The following CSMD1 variants were observed in gnomAD, a reference collection of about 807,000 sequenced individuals.
The protein encoded by CSMD1 is CUB and sushi domain-containing protein 1.
CSMD1 carries 213 observed loss-of-function variants against 417.5 expected under a neutral mutation model. That is an observed-to-expected ratio of 0.51 (90% CI 0.46 to 0.57). The LOEUF (loss-of-function observed/expected upper bound fraction) is 0.57. Ranked by LOEUF, CSMD1 falls within the 20% of genes least tolerant of loss-of-function variation. The probability of loss-of-function intolerance (pLI) is 0.00; values close to 1 mark genes in which losing one functional copy is unlikely to be tolerated. For synonymous variants in CSMD1, 2,862 were observed against 1,736.8 expected, an observed-to-expected ratio of 1.65 and a Z score of -16.11; for missense variants, 6,923 against 4,529.7, an observed-to-expected ratio of 1.53 and a Z score of -15.17.
rs1201829948 is a variant in CSMD1, at chr8:4,656,203, G to A, written c.86-18645C>T. On this transcript the variant is annotated intron_variant, in intron 1 of 69. Transcript: ENST00000635120. ...AGAACACTGAGGAAGGACTATTCCA[G>A]GAAGGGAATATGGCTGTGGAAAAGC... 2.0e-5 allele frequency among the ~76,000 whole-genome samples: 3 copies of A among 152,178 alleles called. No individual in the cohort carries two copies. The East Asian group carries it at 5.8e-4, about 29-fold the overall frequency.
At chr8:4,483,378 A>C (rs1485483826) in intron 2 of CSMD1, among the ~76,000 whole-genome samples, 1 of 152,224 alleles carries the variant, frequency 6.6e-6, no homozygotes, top group East Asian at 1.9e-4. Context: ...ATTTTGCTTA[A>C]TGCTGCTACA....
At chr8:3,237,486 G>A (rs1488519274) in intron 26 of CSMD1, among the ~76,000 whole-genome samples, 2 of 147,750 alleles carry the variant, frequency 1.4e-5, no homozygotes, top group Non-Finnish European at 3.0e-5. Flanking sequence ...CCACAACTTT[G>A]CATATAAATA....
Position 4,868,605 on chromosome 8 carries a change from T to A in CSMD1, c.85+125727A>T, listed in dbSNP as rs529536853. On this transcript the variant is annotated intron_variant, in intron 1 of 69. Transcript: ENST00000635120. ...ATTTTCATTCGTCTAAATTGAGGCA[T>A]AATGAACAAGTGTTCAATCATCTAC... 1.1e-4 allele frequency among the ~76,000 whole-genome samples: 16 copies of A among 152,230 alleles called. No individual in the cohort carries two copies. In the East Asian group the frequency reaches 3.1e-3, roughly 29 times the overall value.
intron 3 of CSMD1, among the ~76,000 whole-genome samples, chr8:4,237,793 A>G (rs190624253): frequency 5.9e-5 from 9 of 152,202 alleles, no homozygotes; most frequent in Non-Finnish European, 1.3e-4. Context: ...GATTGTAGAC[A>G]TGGGCCACAG....
At position 3,310,638 on chromosome 8, in the gene CSMD1, C is replaced by G. The variant is rs191979388; in HGVS notation, c.3632-2135G>C. Among the ~76,000 whole-genome samples, 36 of 152,338 alleles carry G rather than the reference C, an allele frequency of 2.4e-4. No homozygotes were observed. In the East Asian group the frequency reaches 4.2e-3, roughly 18 times the overall value. On this transcript the variant is annotated intron_variant, in intron 23 of 69. Transcript: ENST00000635120. ...TGTAAAAAACTTTTGAGTTCAGCAT[C>G]TATCCCTATGATCAGTACCACTGGA...
At chr8:4,402,013 C>T (rs1340116872) in intron 3 of CSMD1, among the ~76,000 whole-genome samples, 2 of 152,060 alleles carry the variant, frequency 1.3e-5, no homozygotes, top group African/African-American at 4.8e-5. Flanking sequence ...CTGCTGCTAC[C>T]ACTGTTATAA....
chr8:4,741,992 C>T (rs1193889106), intron 1 of CSMD1, among the ~76,000 whole-genome samples: 2 of 135,472 alleles, frequency 1.5e-5, no homozygotes, highest in Non-Finnish European at 3.1e-5. Context: ...CACGCACCAC[C>T]ACACCCACTT....
intron 4 of CSMD1, among the ~76,000 whole-genome samples, chr8:4,016,516 G>C (rs770078513): frequency 1.3e-5 from 2 of 152,136 alleles, no homozygotes; most frequent in Non-Finnish European, 2.9e-5. Context: ...CAAGGTTTTA[G>C]TGAAGGATCT....
chr8:3,984,520 G>C (rs570818027), intron 5 of CSMD1, among the ~76,000 whole-genome samples: 1 of 151,478 alleles, frequency 6.6e-6, no homozygotes, highest in East Asian at 1.9e-4. Flanking sequence ...GCAGTAATAA[G>C]TACACTATTT....
intron 3 of CSMD1, among the ~76,000 whole-genome samples, chr8:4,352,292 A>G (rs1182470841): frequency 6.6e-6 from 1 of 152,242 alleles, no homozygotes; most frequent in East Asian, 1.9e-4. Context: ...CTTCCAGGTG[A>G]TTTAGAAAAT....
chr8:3,415,320 T>C (rs145043781), intron 12 of CSMD1, among the ~76,000 whole-genome samples: 1 of 152,306 alleles, frequency 6.6e-6, no homozygotes, highest in East Asian at 1.9e-4. Flanking sequence ...TTAACCATAG[T>C]ACCATGTTGT....
At chr8:3,535,325 T>C (rs553571802) in intron 10 of CSMD1, among the ~76,000 whole-genome samples, 19 of 152,114 alleles carry the variant, frequency 1.2e-4, no homozygotes, top group Non-Finnish European at 1.2e-4. Context: ...TATCTTTCTA[T>C]ATACCATGCT....
chr8:4,735,671 G>T (rs780960996), intron 1 of CSMD1, among the ~76,000 whole-genome samples: 12 of 152,154 alleles, frequency 7.9e-5, no homozygotes, highest in African/African-American at 2.9e-4. Context: ...TCTTCCATGT[G>T]CCAGACACTT....
At chr8:3,651,218 T>C (rs567726635) in intron 7 of CSMD1, among the ~76,000 whole-genome samples, 2 of 152,278 alleles carry the variant, frequency 1.3e-5, no homozygotes, top group African/African-American at 4.8e-5. Context: ...CATGATCCTT[T>C]AAACACCTAA....
intron 1 of CSMD1, among the ~76,000 whole-genome samples, chr8:4,703,110 T>C (rs1200800602): frequency 6.6e-6 from 1 of 152,202 alleles, no homozygotes; most frequent in Non-Finnish European, 1.5e-5. Context: ...TGTGGCATAT[T>C]ATATAATATT....
At chr8:4,625,619 A>C (rs2616984) in intron 2 of CSMD1, among the ~76,000 whole-genome samples, 1 of 151,852 alleles carries the variant, frequency 6.6e-6, no homozygotes, top group African/African-American at 2.4e-5. Flanking sequence ...TATCCCGTGC[A>C]TTTACATTTT....
At chr8:4,960,798 T>G (rs1389495382) in intron 1 of CSMD1, among the ~76,000 whole-genome samples, 1 of 152,186 alleles carries the variant, frequency 6.6e-6, no homozygotes, top group South Asian at 2.1e-4. Flanking sequence ...TGATCATCTG[T>G]TATAAAATGG....
chr8:4,715,347 C>G (rs1484021415), intron 1 of CSMD1, among the ~76,000 whole-genome samples: 3 of 152,116 alleles, frequency 2.0e-5, no homozygotes, highest in Middle Eastern at 3.2e-3. Flanking sequence ...ATTTACAAAG[C>G]AATGCTTCAT....
chr8:3,690,432 G>A (rs2101116), intron 7 of CSMD1, among the ~76,000 whole-genome samples: 44,602 of 152,162 alleles, frequency 0.29, 7,421 homozygotes, highest in South Asian at 0.41. Context: ...AATTTCTTCT[G>A]TATGTGGGTA....
Sources: allele counts gnomAD v4.1 joint callset (sites outside exome capture counted in the v4.1 genomes callset), GRCh38; gene constraint gnomAD v4.1.1; transcripts MANE v1.5; gene names NCBI Gene and HGNC (gene_info 2026-07-23, HGNC 2026-07-21).